The following ANKRD36C variants were observed in gnomAD, a reference collection of about 807,000 sequenced individuals.
ANKRD36C encodes the protein ankyrin repeat domain-containing protein 36C.
In ANKRD36C, 61 loss-of-function variants were observed where a neutral mutation model predicts 276.4. The ratio of observed to expected loss-of-function variants is 0.22; its 90% CI spans 0.18 to 0.27. The LOEUF is 0.27. Among genes scored for constraint, ANKRD36C ranks in the 10% least tolerant of loss-of-function variants. The probability of loss-of-function intolerance (pLI) is 1.00; values close to 1 mark genes in which losing one functional copy is unlikely to be tolerated. For synonymous variants in ANKRD36C, 483 were observed against 680.1 expected, an observed-to-expected ratio of 0.71 and a Z score of 4.51; for missense variants, 1,447 against 2,032.3, an observed-to-expected ratio of 0.71 and a Z score of 5.54.
chr2:95,988,799 A>G (rs1679081720), intron 1 of ANKRD36C, among the ~76,000 whole-genome samples: 1 of 152,184 alleles, frequency 6.6e-6, no homozygotes, highest in South Asian at 2.1e-4. Context: ...ATAATAAAAT[A>G]ATCAAGCACA....
chr2:95,866,086 C>A (rs1675678248), intron 60 of ANKRD36C, among the ~76,000 whole-genome samples: 1 of 152,082 alleles, frequency 6.6e-6, no homozygotes, highest in African/African-American at 2.4e-5. Context: ...CTGTCCATAT[C>A]CAAAAAGTGA....
intron 54 of ANKRD36C, 59 bp from the exon 75 acceptor site, chr2:95,882,556 C>T (rs1676109904): frequency 6.5e-7 from 1 of 1,545,814 alleles, no homozygotes; most frequent in African/African-American, 1.4e-5. Context: ...GTTATCCATA[C>T]ATTCATGCAG....
chr2:95,858,635 T>A (rs1286274104), intron 61 of ANKRD36C, among the ~76,000 whole-genome samples: 1 of 152,202 alleles, frequency 6.6e-6, no homozygotes, highest in African/African-American at 2.4e-5. Context: ...AGAAATACAT[T>A]TTCATCTTCA....
chr2:95,895,732 C>G (rs1263205125), intron 44 of ANKRD36C, 142 bp from the exon 61 acceptor site: 1 of 1,416,084 alleles, frequency 7.1e-7, no homozygotes, highest in Non-Finnish European at 9.6e-7. Flanking sequence ...TCTCAGGGGA[C>G]CAGAAGGTGA....
intron 6 of ANKRD36C, among the ~76,000 whole-genome samples, chr2:95,976,329 T>C (rs1678808539): frequency 6.6e-6 from 1 of 152,124 alleles, no homozygotes; most frequent in Non-Finnish European, 1.5e-5. Context: ...CACATGCACA[T>C]GTCTGTAGAC....
intron 6 of ANKRD36C, among the ~76,000 whole-genome samples, chr2:95,964,382 A>T (rs1253435844): frequency 1.3e-5 from 2 of 151,868 alleles, no homozygotes; most frequent in Admixed American, 1.3e-4. Flanking sequence ...TTACCTAGCT[A>T]GCTGCTTTCT....
chr2:95,874,589 T>C (rs1356643513), intron 59 of ANKRD36C, among the ~76,000 whole-genome samples: 1 of 152,204 alleles, frequency 6.6e-6, no homozygotes, highest in Non-Finnish European at 1.5e-5. Context: ...GAAGAAAACC[T>C]AGGCATTACC....
intron 6 of ANKRD36C, among the ~76,000 whole-genome samples, chr2:95,967,766 G>T (rs890133592): frequency 1.8e-4 from 28 of 151,854 alleles, no homozygotes; most frequent in Non-Finnish European, 4.1e-4. Context: ...AAACAGACTG[G>T]GCAACATAGC....
At chr2:95,892,206 C>G (rs1268669128) in intron 44 of ANKRD36C, among the ~76,000 whole-genome samples, 5 of 151,516 alleles carry the variant, frequency 3.3e-5, no homozygotes, top group Admixed American at 3.3e-4. Flanking sequence ...AATGTCAAAG[C>G]AGGTGCTACA....
intron 10 of ANKRD36C, among the ~76,000 whole-genome samples, chr2:95,960,188 T>C (rs1678423323): frequency 6.6e-6 from 1 of 152,072 alleles, no homozygotes; most frequent in Non-Finnish European, 1.5e-5. Flanking sequence ...TGCTGTAGAA[T>C]TAAAGCAAAA....
At chr2:95,891,968 T>TA (rs1676376777) in intron 44 of ANKRD36C, 108 bp from the exon 65 acceptor site, 1 of 1,517,576 alleles carries the variant, frequency 6.6e-7, no homozygotes, top group Non-Finnish European at 8.9e-7. Flanking sequence ...TGTATTAGCG[T>TA]AGGCTTTGAT....
chr2:95,946,185 A>C (rs1573792378), intron 17 of ANKRD36C, among the ~76,000 whole-genome samples: 1 of 149,842 alleles, frequency 6.7e-6, no homozygotes, highest in Admixed American at 6.6e-5. Flanking sequence ...AAAACAATAA[A>C]ATTCCAGCAA....
intron 38 of ANKRD36C, among the ~76,000 whole-genome samples, chr2:95,915,603 C>CA (rs1677068859): frequency 6.6e-6 from 1 of 151,446 alleles, no homozygotes; most frequent in Admixed American, 6.6e-5. Flanking sequence ...TTATTATGAA[C>CA]ACTTTTCTGT....
intron 8 of ANKRD36C, among the ~76,000 whole-genome samples, chr2:95,962,027 C>T (rs368419551): frequency 6.6e-6 from 1 of 151,820 alleles, no homozygotes; most frequent in Non-Finnish European, 1.5e-5. Context: ...ATTTTTATTA[C>T]TTAATCTCTT....
chr2:95,873,136 A>T (rs912325118), intron 59 of ANKRD36C, among the ~76,000 whole-genome samples: 8 of 152,224 alleles, frequency 5.3e-5, no homozygotes, highest in Non-Finnish European at 8.8e-5. Context: ...CAATCAATAG[A>T]AAAAGAGGGA....
At chr2:95,873,285 C>A (rs544620625) in intron 59 of ANKRD36C, among the ~76,000 whole-genome samples, 1 of 152,096 alleles carries the variant, frequency 6.6e-6, no homozygotes, top group Non-Finnish European at 1.5e-5. Flanking sequence ...ATGGGCAAAC[C>A]AAATCCAGCA....
intron 37 of ANKRD36C, 43 bp downstream of exon 39, chr2:95,916,100 C>G (rs1677087342): frequency 6.2e-7 from 1 of 1,604,368 alleles, no homozygotes; most frequent in Non-Finnish European, 8.5e-7. Flanking sequence ...GTTTCATAGG[C>G]TATACGTTTA....
At chr2:95,927,103 G>C in intron 28 of ANKRD36C, 111 bp downstream of exon 28, 1 of 1,464,794 alleles carries the variant, frequency 6.8e-7, no homozygotes, top group Non-Finnish European at 9.3e-7. Flanking sequence ...TCTCAGGCCT[G>C]CTGAATCAGA....
chr2:95,884,036 C>A (rs74206425), intron 54 of ANKRD36C, 137 bp downstream of exon 74: 2 of 1,043,404 alleles, frequency 1.9e-6, no homozygotes, highest in Admixed American at 5.0e-5. Context: ...CACCCGAGAA[C>A]TTATTACAAA....
Sources: gnomAD v4.1 joint callset for allele counts (sites outside exome capture counted in the v4.1 genomes callset) on GRCh38, gnomAD v4.1.1 for gene constraint, MANE v1.5 for transcripts, NCBI Gene and HGNC (gene_info 2026-07-23, HGNC 2026-07-21) for gene names.